LRRTM4: variants seen among roughly 807,000 people sequenced by gnomAD.
The protein encoded by LRRTM4 is leucine rich repeat transmembrane neuronal 4.
LRRTM4 carries 25 observed loss-of-function variants against 47.6 expected under a neutral mutation model. That is an observed-to-expected ratio of 0.53 (90% CI 0.38 to 0.73). LRRTM4 has a LOEUF of 0.73. Among genes scored for constraint, LRRTM4 ranks in the 30% least tolerant of loss-of-function variants. The pLI is 0.00. For missense variants in LRRTM4, 638 were observed against 713.4 expected, an observed-to-expected ratio of 0.89 and a Z score of 1.20; for synonymous variants, 311 against 269.5, an observed-to-expected ratio of 1.15 and a Z score of -1.51.
chr2:77,345,306 T>C (rs1294338082), intron 3 of LRRTM4, among the ~76,000 whole-genome samples: 3 of 151,910 alleles, frequency 2.0e-5, no homozygotes, highest in Non-Finnish European at 4.4e-5. Flanking sequence ...AACGGGATTT[T>C]ATCAAAGCTC....
rs1672746746 is a variant in LRRTM4 at position 76,748,860 on chromosome 2, C to T, written c.1608G>A (p.Gly536=). 1.9e-6 allele frequency: 3 copies of T among 1,613,970 alleles called. No individual in the cohort carries two copies. The highest frequency in any genetic ancestry group is 2.5e-6 in the Non-Finnish European group (3 of 1,179,890). The part of the protein sequence containing the change: ...PYYSYDQPVI[G]YCQAHQPLHV... ...GGAGTGGCTGGTGGGCCTGGCAGTA[C>T]CCGATCACAGGCTGGTCATAGCTGT... The change falls in exon 4 of 4, where the codon GGG becomes GGA. Residue 536 remains glycine (G), a synonymous_variant. Coordinates refer to ENST00000409884, the MANE Select transcript of LRRTM4 (RefSeq NM_001134745.3).
chr2:76,792,743 A>ATGCCAGGCGCTAAGGACTTTC (rs1675043412), intron 3 of LRRTM4, among the ~76,000 whole-genome samples: 2 of 151,940 alleles, frequency 1.3e-5, no homozygotes, highest in South Asian at 4.2e-4. Flanking sequence ...TTTCCTGTAA[A>ATGCCAGGCGCTAAGGACTTTC]TGCCAGGCGC....
chr2:77,372,226 C>T (rs1412441772), intron 3 of LRRTM4, among the ~76,000 whole-genome samples: 1 of 151,764 alleles, frequency 6.6e-6, no homozygotes, highest in African/African-American at 2.4e-5. Context: ...TTAATCTCTA[C>T]CTTCCAAGGC....
At chr2:77,051,155 T>A (rs1440477005) in intron 3 of LRRTM4, among the ~76,000 whole-genome samples, 1 of 151,948 alleles carries the variant, frequency 6.6e-6, no homozygotes, top group Non-Finnish European at 1.5e-5. Flanking sequence ...GCTATTGTCA[T>A]CTAGTGGGCA....
chr2:76,926,049 T>C (rs921445516), intron 3 of LRRTM4, among the ~76,000 whole-genome samples: 1 of 152,130 alleles, frequency 6.6e-6, no homozygotes, highest in African/African-American at 2.4e-5. Context: ...AAATGACACA[T>C]GGTCAGCCTG....
At chr2:77,206,674 G>A (rs1263469677) in intron 3 of LRRTM4, among the ~76,000 whole-genome samples, 3 of 151,798 alleles carry the variant, frequency 2.0e-5, no homozygotes, top group African/African-American at 7.3e-5. Context: ...AGTAGAGATG[G>A]GGTTTCAACA....
intron 3 of LRRTM4, among the ~76,000 whole-genome samples, chr2:76,765,027 A>T (rs984309513): frequency 2.0e-5 from 3 of 152,194 alleles, no homozygotes; most frequent in Non-Finnish European, 4.4e-5. Flanking sequence ...TGGTCCAGAA[A>T]ATGGACCACC....
chr2:76,810,903 T>A (rs1487846932), intron 3 of LRRTM4, among the ~76,000 whole-genome samples: 1 of 152,186 alleles, frequency 6.6e-6, no homozygotes, highest in Non-Finnish European at 1.5e-5. Context: ...TGACACATAC[T>A]GTGGGTTATT....
chr2:77,342,547 A>T lies in LRRTM4; in HGVS notation c.1551+175771T>A, dbSNP rs183058652. Among the ~76,000 whole-genome samples, 3 of 152,084 alleles carry T rather than the reference A, an allele frequency of 2.0e-5. No individual in the cohort carries two copies. The East Asian group carries it at 5.8e-4, about 29-fold the overall frequency. On this transcript the variant is annotated intron_variant, in intron 3 of 3. Transcript: ENST00000409884. ...TTCATAACTGTTAGATCTTAAACAAATTTTTTAATATCTAGAACACAGATT... is the reference window on the plus strand; with the variant it reads ...TTCATAACTGTTAGATCTTAAACAATTTTTTTAATATCTAGAACACAGATT...
chr2:77,243,420 AAAAATAAAAAAAAT>A (rs1356380452), intron 3 of LRRTM4, among the ~76,000 whole-genome samples: 5,528 of 48,946 alleles, frequency 0.11, 526 homozygotes, highest in African/African-American at 0.24. Flanking sequence ...CAAAATAAAA[AAAAATAAAAAAAAT>A]AAAAAAAAAA....
chr2:77,460,737 T>C (rs1436091338), intron 3 of LRRTM4, among the ~76,000 whole-genome samples: 1 of 152,130 alleles, frequency 6.6e-6, no homozygotes, highest in Non-Finnish European at 1.5e-5. Context: ...ATTTTGCATG[T>C]CTTAAGAGCT....
chr2:77,035,141 C>T lies in LRRTM4; in HGVS notation c.1552-286225G>A, dbSNP rs1289804722. 3.3e-5 allele frequency among the ~76,000 whole-genome samples: 5 copies of T among 151,544 alleles called. No individual in the cohort carries two copies. The South Asian group carries it at 6.2e-4, about 19-fold the overall frequency. ...GGTTTGTTACATATGTATACATGTG[C>T]CATGTTGGTGTGCTGCACCCATTAA... is the stretch of plus-strand genomic sequence containing the variant. On this transcript the variant is annotated intron_variant, in intron 3 of 3. Transcript: ENST00000409884.
chr2:77,432,312 A>G lies in LRRTM4; in HGVS notation c.1551+86006T>C, dbSNP rs80044780. 4.1e-3 allele frequency among the ~76,000 whole-genome samples: 626 copies of G among 152,294 alleles called. 5 individuals are homozygous for G. The highest frequency in any genetic ancestry group is 0.014 in the African/African-American group (580 of 41,568). ...AAGGATTCATTCCTGTGTCTCCCTC[A>G]GGATCCCTCACCTCTTGACACTGTT... On this transcript the variant is annotated intron_variant, in intron 3 of 3. Coordinates refer to ENST00000409884, the MANE Select transcript of LRRTM4 (RefSeq NM_001134745.3).
In LRRTM4 at chr2:76,818,147, G is replaced by T. The variant is rs76980855; in HGVS notation, c.1552-69231C>A. Among the ~76,000 whole-genome samples the T allele has an allele frequency of 1.1e-4, 17 of 151,914 alleles. No homozygotes were observed. In the South Asian group the frequency reaches 3.1e-3, roughly 28 times the overall value. On this transcript the variant is annotated intron_variant, in intron 3 of 3. Transcript: ENST00000409884. The stretch of plus-strand genomic sequence containing the variant: ...CGTTGTAATATACATTTAAGCTGGT[G>T]ACATATTTGTTTTCCCCTAAAGATA...
chr2:76,878,185 T>C (rs1672830487), intron 3 of LRRTM4, among the ~76,000 whole-genome samples: 1 of 152,154 alleles, frequency 6.6e-6, no homozygotes, highest in African/African-American at 2.4e-5. Flanking sequence ...CGTAATTGTT[T>C]TGGGCACAGC....
At chr2:77,094,248 T>G (rs1180179989) in intron 3 of LRRTM4, among the ~76,000 whole-genome samples, 1 of 151,990 alleles carries the variant, frequency 6.6e-6, no homozygotes, top group Non-Finnish European at 1.5e-5. Flanking sequence ...AGCTGTACAA[T>G]CAACTATAAA....
chr2:77,211,010 C>T (rs1181735366), intron 3 of LRRTM4, among the ~76,000 whole-genome samples: 1 of 152,016 alleles, frequency 6.6e-6, no homozygotes, highest in African/African-American at 2.4e-5. Flanking sequence ...ATGACTCCAA[C>T]AGAAAAAAGC....
intron 3 of LRRTM4, among the ~76,000 whole-genome samples, chr2:77,443,978 A>G (rs778869454): frequency 2.6e-5 from 4 of 152,164 alleles, no homozygotes; most frequent in Non-Finnish European, 5.9e-5. Flanking sequence ...GGCATAGAAC[A>G]TACTGATCAC....
At chr2:77,442,293 A>T (rs1675874614) in intron 3 of LRRTM4, among the ~76,000 whole-genome samples, 1 of 152,208 alleles carries the variant, frequency 6.6e-6, no homozygotes, top group Admixed American at 6.6e-5. Context: ...CAAACCAACA[A>T]GAAAGCATCA....
Sources: gnomAD v4.1 joint callset for allele counts (sites outside exome capture counted in the v4.1 genomes callset) on GRCh38, gnomAD v4.1.1 for gene constraint, MANE v1.5 for transcripts, NCBI Gene and HGNC (gene_info 2026-07-23, HGNC 2026-07-21) for gene names.